TMEM117: variants seen among roughly 807,000 people sequenced by gnomAD.
TMEM117 encodes transmembrane protein 117.
Under a neutral mutation model 52.4 loss-of-function variants are expected in TMEM117, and 27 were observed. That is an observed-to-expected ratio of 0.51 (90% CI 0.38 to 0.71). The LOEUF is 0.71. Ranked by LOEUF, TMEM117 falls within the 30% of genes least tolerant of loss-of-function variation. The pLI is 0.00. For missense variants in TMEM117, 556 were observed against 630.5 expected, an observed-to-expected ratio of 0.88 and a Z score of 1.26; for synonymous variants, 215 against 206.3, an observed-to-expected ratio of 1.04 and a Z score of -0.36.
the TMEM117 span, among the ~76,000 whole-genome samples, chr12:43,819,508 C>T: frequency 6.6e-6 from 1 of 152,184 alleles, no homozygotes; most frequent in Non-Finnish European, 1.5e-5. Context: ...GGCGGGATGG[C>T]TCACACCTGT....
At chr12:44,325,672 G>T (rs374254000) in intron 6 of TMEM117, among the ~76,000 whole-genome samples, 3 of 152,026 alleles carry the variant, frequency 2.0e-5, no homozygotes, top group Admixed American at 6.6e-5. Flanking sequence ...ACACATATTT[G>T]TTCTGAGTTT....
Position 44,291,290 on chromosome 12 carries a change from A to G in TMEM117, c.609-8290A>G, listed in dbSNP as rs1950700298. Among the ~76,000 whole-genome samples the G allele has an allele frequency of 6.8e-5, 10 of 146,534 alleles. No individual in the cohort carries two copies. The South Asian group carries it at 2.1e-3, about 31-fold the overall frequency. On this transcript the variant is annotated intron_variant, in intron 5 of 7. Coordinates refer to ENST00000266534, the MANE Select transcript of TMEM117 (RefSeq NM_032256.3). ...TTTGATTCTTTTTAGATGGTTTATTATTAGTATGTAGAAACACAGCTAACT... is the reference window on the plus strand; with the variant it reads ...TTTGATTCTTTTTAGATGGTTTATTGTTAGTATGTAGAAACACAGCTAACT...
chr12:44,222,190 C>T (rs2138427632), intron 5 of TMEM117, among the ~76,000 whole-genome samples: 1 of 152,260 alleles, frequency 6.6e-6, no homozygotes, highest in African/African-American at 2.4e-5. Context: ...GAATTCCACT[C>T]ACCTACCCCT....
At position 43,851,800 on chromosome 12, in the gene TMEM117, G is replaced by A. The variant is rs553476222; in HGVS notation, c.277+6872G>A. On this transcript the variant is annotated intron_variant, in intron 2 of 7. Coordinates refer to ENST00000266534, the MANE Select transcript of TMEM117 (RefSeq NM_032256.3). ...CACAAGGGGAAACTACATCACTGTC[G>A]TTATCAGCAGTGATGAAAATTGTAA... 1.7e-4 allele frequency among the ~76,000 whole-genome samples: 26 copies of A among 152,168 alleles called. 1 individual carries two copies. Among genetic ancestry groups the A allele is most frequent in the Non-Finnish European group, 3.7e-4 (25 of 68,028 alleles).
At chr12:44,391,083 G>T (rs1565789711), downstream of TMEM117, among the ~76,000 whole-genome samples, 1 of 152,112 alleles carries the variant, frequency 6.6e-6, no homozygotes, top group Non-Finnish European at 1.5e-5. Flanking sequence ...TGTCTTAATT[G>T]CAGTGATGCT....
At chr12:44,279,302 G>A (rs566577106) in intron 5 of TMEM117, among the ~76,000 whole-genome samples, 24 of 152,176 alleles carry the variant, frequency 1.6e-4, no homozygotes, top group African/African-American at 3.9e-4. Flanking sequence ...CTTTGCCTCC[G>A]ATGTTTGGGT....
At chr12:44,314,584 T>A (rs1391460836) in intron 6 of TMEM117, among the ~76,000 whole-genome samples, 3 of 145,982 alleles carry the variant, frequency 2.1e-5, no homozygotes, top group Admixed American at 6.8e-5. Flanking sequence ...TTTTTTTTTT[T>A]AAGACAAAGT....
chr12:43,996,426 A>G (rs1946031221), intron 3 of TMEM117, among the ~76,000 whole-genome samples: 1 of 152,066 alleles, frequency 6.6e-6, no homozygotes, highest in Non-Finnish European at 1.5e-5. Flanking sequence ...GGCAGATCAC[A>G]AGGTCAGGAG....
intron 5 of TMEM117, among the ~76,000 whole-genome samples, chr12:44,275,831 G>T (rs79931431): frequency 0.073 from 11,051 of 151,998 alleles, 565 homozygotes; most frequent in Middle Eastern, 0.16. Flanking sequence ...GGTGGGAATG[G>T]TTAATGGGTA....
intron 3 of TMEM117, among the ~76,000 whole-genome samples, chr12:44,105,857 G>C (rs1381746097): frequency 6.6e-6 from 1 of 152,036 alleles, no homozygotes; most frequent in Non-Finnish European, 1.5e-5. Flanking sequence ...ATTCCAAAAG[G>C]AGTGTTTTCC....
intron 4 of TMEM117, among the ~76,000 whole-genome samples, chr12:44,195,034 A>G (rs564665852): frequency 1.3e-5 from 2 of 152,346 alleles, no homozygotes; most frequent in African/African-American, 2.4e-5. Flanking sequence ...ACAAGTTACC[A>G]TAAACTTAAC....
chr12:44,202,735 T>C (rs1437027042), intron 4 of TMEM117, among the ~76,000 whole-genome samples: 3 of 152,188 alleles, frequency 2.0e-5, no homozygotes, highest in South Asian at 4.1e-4. Context: ...TCTTCTTGCA[T>C]GTCTGATAGA....
chr12:44,359,775 GA>G (rs1331874973), intron 6 of TMEM117, among the ~76,000 whole-genome samples: 2 of 151,724 alleles, frequency 1.3e-5, no homozygotes, highest in Non-Finnish European at 2.9e-5. Context: ...ACATGTAAGT[GA>G]AAAAAAGGAA....
chr12:43,866,684 A>C (rs550074645), intron 2 of TMEM117, among the ~76,000 whole-genome samples: 32 of 152,364 alleles, frequency 2.1e-4, no homozygotes, highest in African/African-American at 4.6e-4. Context: ...CAGGCTGCTG[A>C]TGAGTGAAAC....
the TMEM117 span, chr12:43,800,653 C>T: frequency 2.1e-5 from 14 of 681,134 alleles, no homozygotes; most frequent in Middle Eastern, 8.1e-4. Flanking sequence ...GAAGTCCACC[C>T]ACTATAATAT....
intron 3 of TMEM117, among the ~76,000 whole-genome samples, chr12:44,027,565 T>C (rs986818786): frequency 1.3e-5 from 2 of 152,238 alleles, no homozygotes; most frequent in African/African-American, 2.4e-5. Context: ...TATCTGATGT[T>C]GCTACATGAT....
intron 3 of TMEM117, among the ~76,000 whole-genome samples, chr12:43,988,225 A>T (rs1456436001): frequency 1.3e-5 from 2 of 152,034 alleles, no homozygotes; most frequent in Non-Finnish European, 2.9e-5. Flanking sequence ...GGCACGTTGG[A>T]TTCACCTATA....
chr12:44,125,870 C>T (rs944826460), intron 3 of TMEM117, among the ~76,000 whole-genome samples: 14 of 152,076 alleles, frequency 9.2e-5, no homozygotes, highest in Admixed American at 7.9e-4. Context: ...AAATTTGTCT[C>T]TTAACAGTGC....
intron 6 of TMEM117, among the ~76,000 whole-genome samples, chr12:44,312,250 G>T (rs1951000144): frequency 6.6e-6 from 1 of 151,770 alleles, no homozygotes; most frequent in African/African-American, 2.4e-5. Flanking sequence ...CAGTTTTTCA[G>T]CCCTTGTCCC....
Sources: gnomAD v4.1 joint callset for allele counts (sites outside exome capture counted in the v4.1 genomes callset) on GRCh38, gnomAD v4.1.1 for gene constraint, MANE v1.5 for transcripts, NCBI Gene and HGNC (gene_info 2026-07-23, HGNC 2026-07-21) for gene names.